Variants in ADAM18 observed in about 807,000 individuals in gnomAD.
ADAM18 encodes the protein ADAM metallopeptidase domain 18, also known as disintegrin and metalloproteinase domain-containing protein 18.
In ADAM18, 117 loss-of-function variants were observed where a neutral mutation model predicts 94.4. That is an observed-to-expected ratio of 1.24 (90% CI 1.07 to 1.45). ADAM18 has a LOEUF of 1.45. Among genes scored for constraint, ADAM18 ranks in the 40% most tolerant of loss-of-function variants. The pLI is 0.00. For missense variants in ADAM18, 936 were observed against 880.0 expected (o/e 1.06, Z -0.81); for synonymous variants, 327 against 291.6 (o/e 1.12, Z -1.24).
At chr8:39,639,498 T>C (rs944204159) in intron 10 of ADAM18, among the ~76,000 whole-genome samples, 3 of 152,028 alleles carry the variant, frequency 2.0e-5, no homozygotes, top group African/African-American at 7.2e-5. Flanking sequence ...TCTTCAAATG[T>C]GAGTATTATC....
At chr8:39,592,574 G>T (rs1818602441) in intron 2 of ADAM18, among the ~76,000 whole-genome samples, 1 of 151,996 alleles carries the variant, frequency 6.6e-6, no homozygotes, top group African/African-American at 2.4e-5. Flanking sequence ...TATCCTATGT[G>T]GAATAACCCA....
intron 2 of ADAM18, among the ~76,000 whole-genome samples, chr8:39,589,284 A>G (rs907912969): frequency 1.3e-5 from 2 of 152,140 alleles, no homozygotes; most frequent in African/African-American, 4.8e-5. Flanking sequence ...TGATTAATTT[A>G]TGTTAGGCAC....
intron 19 of ADAM18, 150 bp downstream of exon 19, chr8:39,724,057 T>C: frequency 1.7e-6 from 1 of 602,892 alleles, no homozygotes; most frequent in Non-Finnish European, 2.4e-6. Context: ...TGTGTTTCAA[T>C]AATTTGTTAT....
chr8:39,645,234 A>G lies in ADAM18; in HGVS notation c.910-104A>G, dbSNP rs370334852. The G allele has an allele frequency of 4.7e-5, 46 of 977,690 alleles. No homozygotes were observed. The East Asian group carries it at 6.6e-4, about 14-fold the overall frequency. The allele number at this position is 977,690 out of a possible 1,614,324, so 60.6% of individuals were successfully genotyped here. ...ATAATTGTTGTGAAGTATGCTTAAC[A>G]TAAGAAGTATTAAAATAGAAAATAT... On this transcript the variant is annotated intron_variant, in intron 10 of 19. Coordinates refer to ENST00000265707, the MANE Select transcript of ADAM18 (RefSeq NM_014237.3).
rs1305809533 is a variant in ADAM18 at position 39,661,192 on chromosome 8, G to A, written c.1231-2603G>A. On this transcript the variant is annotated intron_variant, in intron 12 of 19. Coordinates refer to ENST00000265707, the MANE Select transcript of ADAM18 (RefSeq NM_014237.3). ...TTTTTTGAGGGAGTCTCGGTTTGTC[G>A]CCCAGGCTGGAGTGCAGTGGTGCGA... Among the ~76,000 whole-genome samples the A allele has an allele frequency of 8.6e-5, 11 of 127,732 alleles. No individual in the cohort carries two copies. In the South Asian group the frequency reaches 1.5e-3, roughly 17 times the overall value. The allele number at this position is 127,732 out of a possible 152,430, so 83.8% of individuals were successfully genotyped here. A position where few individuals can be genotyped will look rare whatever the true frequency, so the allele number is the denominator to read the frequency against.
Position 39,632,706 on chromosome 8 carries a change from C to T in ADAM18, c.588+3267C>T, listed in dbSNP as rs77618135. Among the ~76,000 whole-genome samples, 276 of 151,400 alleles carry T rather than the reference C, an allele frequency of 1.8e-3. 1 individual carries two copies. Among genetic ancestry groups the T allele is most frequent in the African/African-American group, 5.5e-3 (223 of 40,860 alleles). ...AGTTTTCTTCTTCTTATAGTCTCTT[C>T]GAGAATTTAGATATTATGAGTATGA... On this transcript the variant is annotated intron_variant, in intron 7 of 19. Coordinates refer to ENST00000265707, the MANE Select transcript of ADAM18 (RefSeq NM_014237.3).
chr8:39,706,518 T>G (rs1822246201), intron 17 of ADAM18, among the ~76,000 whole-genome samples: 1 of 152,158 alleles, frequency 6.6e-6, no homozygotes, highest in African/African-American at 2.4e-5. Context: ...CTTTATTAAA[T>G]CTTATTTTTT....
rs767543414 is a variant in ADAM18, at chr8:39,663,800, T to A, written c.1236T>A (p.Cys412Ter). The part of the protein sequence containing the change: ...EECDCGNKNE[C>*]QFKKCCDYNT... Reference sequence around the variant, plus strand: ...TTCTTCCTGTAAAATTTTAGGAATGTCAATTTAAGAAGTGCTGTGATTATA... The same window carrying A: ...TTCTTCCTGTAAAATTTTAGGAATGACAATTTAAGAAGTGCTGTGATTATA... The change falls in exon 13 of 20, where the codon TGT becomes TGA. Residue 412 changes from cysteine to a stop codon, truncating the protein, a stop_gained. Coordinates refer to ENST00000265707, the MANE Select transcript of ADAM18 (RefSeq NM_014237.3). LOFTEE classifies it high-confidence loss of function. The A allele has an allele frequency of 3.1e-6, 5 of 1,608,326 alleles. No homozygotes were observed. Among genetic ancestry groups the A allele is most frequent in the Non-Finnish European group, 3.4e-6 (4 of 1,177,398 alleles).
chr8:39,669,498 T>C (rs1821093792), intron 14 of ADAM18, among the ~76,000 whole-genome samples: 1 of 119,838 alleles, frequency 8.3e-6, no homozygotes, highest in Admixed American at 1.1e-4. Context: ...CAGTGTGTGA[T>C]GTTCCCCTTC....
At chr8:39,599,115 T>G (rs570442038) in intron 2 of ADAM18, among the ~76,000 whole-genome samples, 4 of 152,256 alleles carry the variant, frequency 2.6e-5, no homozygotes, top group African/African-American at 9.6e-5. Flanking sequence ...CAGGCTGGAT[T>G]TTTTCAAATG....
intron 18 of ADAM18, among the ~76,000 whole-genome samples, chr8:39,720,765 A>C (rs1429446131): frequency 1.3e-5 from 2 of 151,460 alleles, no homozygotes; most frequent in East Asian, 3.9e-4. Flanking sequence ...GAAGACACTC[A>C]TTTACTACTA....
At chr8:39,657,239 A>G (rs936489465) in intron 12 of ADAM18, among the ~76,000 whole-genome samples, 9 of 152,198 alleles carry the variant, frequency 5.9e-5, no homozygotes, top group African/African-American at 2.2e-4. Flanking sequence ...AAATAAAACT[A>G]TTATAGACTG....
chr8:39,638,348 AG>A, intron 9 of ADAM18, 116 bp from the exon 10 acceptor site: 1 of 566,454 alleles, frequency 1.8e-6, no homozygotes, highest in Non-Finnish European at 3.1e-6. Flanking sequence ...CCTAGTTTGA[AG>A]CTTTATATAT....
intron 16 of ADAM18, among the ~76,000 whole-genome samples, chr8:39,686,701 A>T (rs1003969704): frequency 3.3e-5 from 5 of 152,210 alleles, no homozygotes; most frequent in Non-Finnish European, 7.3e-5. Flanking sequence ...AATTTCTGAC[A>T]TACGAAAAAC....
intron 6 of ADAM18, among the ~76,000 whole-genome samples, chr8:39,621,326 C>A (rs1478030817): frequency 6.7e-6 from 1 of 149,166 alleles, no homozygotes; most frequent in Admixed American, 6.7e-5. Flanking sequence ...CACACACACA[C>A]ACACACACAC....
chr8:39,637,737 T>C, intron 9 of ADAM18, 34 bp downstream of exon 9: 1 of 1,452,652 alleles, frequency 6.9e-7, no homozygotes, highest in Admixed American at 2.5e-5. Flanking sequence ...TAAAGATATC[T>C]GCATAATTAT....
At chr8:39,661,844 G>A (rs1486637761) in intron 12 of ADAM18, among the ~76,000 whole-genome samples, 1 of 151,738 alleles carries the variant, frequency 6.6e-6, no homozygotes, top group African/African-American at 2.4e-5. Context: ...AAAAATGGAG[G>A]ATATTTATGA....
chr8:39,634,805 T>G (rs1206021659), intron 7 of ADAM18, among the ~76,000 whole-genome samples: 1 of 152,202 alleles, frequency 6.6e-6, no homozygotes, highest in Non-Finnish European at 1.5e-5. Flanking sequence ...TTAGGTGAGA[T>G]TTTGAAATTA....
At chr8:39,649,608 C>T (rs904754582) in intron 12 of ADAM18, among the ~76,000 whole-genome samples, 1 of 152,170 alleles carries the variant, frequency 6.6e-6, no homozygotes, top group South Asian at 2.1e-4. Flanking sequence ...CAGATTGACA[C>T]TAAGAGCAGA....
Sources: allele counts gnomAD v4.1 joint callset (sites outside exome capture counted in the v4.1 genomes callset), GRCh38; gene constraint gnomAD v4.1.1; transcripts MANE v1.5; gene names NCBI Gene and HGNC (gene_info 2026-07-23, HGNC 2026-07-21).